DDB1: variants seen among roughly 807,000 people sequenced by gnomAD.
The protein encoded by DDB1 is DNA damage-binding protein 1.
DDB1 carries 18 observed loss-of-function variants against 133.1 expected under a neutral mutation model. The ratio of observed to expected loss-of-function variants is 0.14; its 90% CI spans 0.09 to 0.20. The LOEUF (loss-of-function observed/expected upper bound fraction) is 0.20, where lower values mean the gene tolerates loss of function less well. DDB1 is among the 10% of genes least tolerant of loss of function. The pLI is 1.00. For synonymous variants in DDB1, 580 were observed against 550.5 expected, an observed-to-expected ratio of 1.05 and a Z score of -0.75; for missense variants, 828 against 1,459.2, an observed-to-expected ratio of 0.57 and a Z score of 7.05.
intron 19 of DDB1, 41 bp downstream of exon 19, chr11:61,310,254 G>A (rs866009428): frequency 6.3e-7 from 1 of 1,587,434 alleles, no homozygotes; most frequent in Non-Finnish European, 8.6e-7. Flanking sequence ...CCTGGATTAG[G>A]GAGGGCGTAG....
intron 18 of DDB1, 110 bp from the exon 19 acceptor site, chr11:61,310,528 A>G: frequency 7.7e-7 from 1 of 1,304,182 alleles, no homozygotes. Flanking sequence ...GCTAGCCAAG[A>G]ACTCTGATGG....
At chr11:61,317,687 T>C (rs1856114676) in intron 10 of DDB1, among the ~76,000 whole-genome samples, 1 of 151,792 alleles carries the variant, frequency 6.6e-6, no homozygotes, top group African/African-American at 2.4e-5. Flanking sequence ...TTTCTATTTT[T>C]AGTAGAGACA....
intron 10 of DDB1, among the ~76,000 whole-genome samples, chr11:61,319,495 G>A (rs553905616): frequency 2.6e-5 from 4 of 151,508 alleles, no homozygotes; most frequent in Admixed American, 6.6e-5. Context: ...GCAGTGGCAC[G>A]ATCTCGGCTC....
At chr11:61,327,259 C>G (rs1356261611) in intron 4 of DDB1, among the ~76,000 whole-genome samples, 1 of 152,166 alleles carries the variant, frequency 6.6e-6, no homozygotes, top group African/African-American at 2.4e-5. Context: ...CACCTGAGGT[C>G]AGGAATTCAA....
chr11:61,331,815 T>C (rs963053236), intron 1 of DDB1, 124 bp from the exon 2 acceptor site: 1 of 1,335,528 alleles, frequency 7.5e-7, no homozygotes, highest in Admixed American at 2.1e-5. Context: ...CTTCTCCAAC[T>C]CCCTCCAGCT....
At chr11:61,324,886 T>C (rs901670178) in intron 6 of DDB1, among the ~76,000 whole-genome samples, 8 of 152,210 alleles carry the variant, frequency 5.3e-5, no homozygotes, top group Non-Finnish European at 1.2e-4. Context: ...CAGTGGCTCA[T>C]GCCTGTAATC....
intron 10 of DDB1, among the ~76,000 whole-genome samples, chr11:61,317,410 C>A (rs1407708427): frequency 6.6e-6 from 1 of 152,020 alleles, no homozygotes; most frequent in African/African-American, 2.4e-5. Flanking sequence ...CCACGCCGGG[C>A]CAAAAGTTAG....
At chr11:61,324,223 A>C (rs1590697082) in intron 6 of DDB1, 86 bp from the exon 7 acceptor site, 20 of 1,476,588 alleles carry the variant, frequency 1.4e-5, no homozygotes, top group African/African-American at 4.2e-5. Context: ...CCTTTACCAA[A>C]CCCAGCCATT....
chr11:61,313,122 G>A (rs916557033), intron 16 of DDB1, among the ~76,000 whole-genome samples: 1 of 152,200 alleles, frequency 6.6e-6, no homozygotes, highest in Admixed American at 6.5e-5. Flanking sequence ...CAGAGAATCT[G>A]CATTTCTAAC....
At chr11:61,308,721 G>A (rs767798249) in intron 21 of DDB1, among the ~76,000 whole-genome samples, 10 of 152,266 alleles carry the variant, frequency 6.6e-5, no homozygotes, top group South Asian at 2.1e-4. Context: ...AACATCCTAC[G>A]TGCAGGGACC....
intron 26 of DDB1, 79 bp downstream of exon 26, chr11:61,300,730 G>C (rs998115719): frequency 1.8e-5 from 28 of 1,575,018 alleles, no homozygotes; most frequent in Middle Eastern, 1.8e-4. Context: ...AGGAGGAGAG[G>C]TGCCCAGAGA....
chr11:61,314,640 T>C lies in DDB1; in HGVS notation c.1411-154A>G, dbSNP rs1019563996. On this transcript the variant is annotated intron_variant, in intron 12 of 26. Transcript: ENST00000301764. Reference sequence around the variant, plus strand: ...CCCAAAGTCCTGCTAATGATTACAATAGATGTCATTTTTGCATGAATGCCT... The same window carrying C: ...CCCAAAGTCCTGCTAATGATTACAACAGATGTCATTTTTGCATGAATGCCT... The C allele has an allele frequency of 5.0e-5, 37 of 743,932 alleles. 2 individuals are homozygous for C. The highest frequency in any genetic ancestry group is 3.8e-4 in the African/African-American group (21 of 55,570). 46.1% of individuals were successfully genotyped at this position (743,932 alleles called of 1,614,324 possible).
intron 15 of DDB1, 48 bp from the exon 16 acceptor site, chr11:61,313,754 A>G (rs1369949887): frequency 6.3e-7 from 1 of 1,579,192 alleles, no homozygotes; most frequent in Admixed American, 1.9e-5. Context: ...AAACAGGACA[A>G]AAAGCTGGCC....
At chr11:61,330,754 C>T (rs1856354114) in intron 2 of DDB1, among the ~76,000 whole-genome samples, 1 of 152,022 alleles carries the variant, frequency 6.6e-6, no homozygotes, top group Admixed American at 6.5e-5. Flanking sequence ...CTCCTGAGTT[C>T]AAGCAATTCT....
intron 18 of DDB1, 72 bp from the exon 19 acceptor site, chr11:61,310,490 C>G: frequency 6.7e-7 from 1 of 1,484,446 alleles, no homozygotes; most frequent in Non-Finnish European, 8.9e-7. Flanking sequence ...TGTGAAGGGA[C>G]CCGTCAGATC....
chr11:61,332,929 C>A lies in DDB1; in HGVS notation c.40G>T (p.Ala14Ser), dbSNP rs915094392. 1 of 1,511,894 alleles carries A rather than the reference C, an allele frequency of 6.6e-7. No homozygotes were observed. Among genetic ancestry groups the A allele is most frequent in the Non-Finnish European group, 8.9e-7 (1 of 1,124,216 alleles). The allele number at this position is 1,511,894 out of a possible 1,614,324, so 93.7% of individuals were successfully genotyped here. Reference protein sequence around the residue: ...NYVVTAQKPTAVNGCVTGHFT... With the variant: ...NYVVTAQKPTSVNGCVTGHFT... ...TCACCGGTCACGCAGCCGTTCACGG[C>A]GGTGGGCTTCTGGGCCGTTACCACG... Residue 14 changes from alanine to serine, a missense_variant, in exon 1 of 27, where the codon GCC becomes TCC. Physicochemically the swap from Ala to Ser is moderately conservative, Grantham distance 99. Transcript: ENST00000301764.
intron 23 of DDB1, 122 bp downstream of exon 23, chr11:61,302,924 G>A: frequency 7.8e-7 from 1 of 1,279,822 alleles, no homozygotes. Flanking sequence ...TCTCTGACGA[G>A]GAAAGTTCTA....
chr11:61,328,228 C>T (rs1433825594), intron 4 of DDB1, among the ~76,000 whole-genome samples: 3 of 152,206 alleles, frequency 2.0e-5, no homozygotes, highest in Admixed American at 6.5e-5. Flanking sequence ...CTGGTTTCAA[C>T]CTTATTCAAT....
At chr11:61,321,464 T>G in intron 10 of DDB1, 131 bp downstream of exon 10, 1 of 703,132 alleles carries the variant, frequency 1.4e-6, no homozygotes, top group South Asian at 1.8e-5. Context: ...AAGCTTCTGA[T>G]CTGTTGTTAC....
Sources: allele counts gnomAD v4.1 joint callset (sites outside exome capture counted in the v4.1 genomes callset), GRCh38; gene constraint gnomAD v4.1.1; transcripts MANE v1.5; gene names NCBI Gene and HGNC (gene_info 2026-07-23, HGNC 2026-07-21).